GDF1: variants seen among roughly 807,000 people sequenced by gnomAD.
GDF1 encodes the protein embryonic growth/differentiation factor 1.
Under a neutral mutation model 7.4 loss-of-function variants are expected in GDF1, and 8 were observed. The ratio of observed to expected loss-of-function variants is 1.09; its 90% confidence interval spans 0.64 to 1.96. The LOEUF (loss-of-function observed/expected upper bound fraction) is 1.96. GDF1 is among the 30% of genes most tolerant of loss of function. The pLI is 0.00. For synonymous variants in GDF1, 311 were observed against 276.7 expected (o/e 1.12, Z -1.23); for missense variants, 574 against 551.5 (o/e 1.04, Z -0.41).
chr19:18,880,200 C>T lies in GDF1; in HGVS notation c.-571+74G>A, dbSNP rs2056168404. On this transcript the variant is annotated intron_variant, in intron 4 of 7. Transcript: ENST00000247005. Reference sequence around the variant, plus strand: ...GGCCCCGCCTCCTTCCCTGCCTGGTCCCGCCCCTTTTCTGGACACACCCAC... The same window carrying T: ...GGCCCCGCCTCCTTCCCTGCCTGGTTCCGCCCCTTTTCTGGACACACCCAC... 3 of 1,434,208 alleles carry T rather than the reference C, an allele frequency of 2.1e-6. No individual in the cohort carries two copies. In the Admixed American group the frequency reaches 6.8e-5, roughly 32 times the overall value. 88.8% of individuals were successfully genotyped at this position (1,434,208 alleles called of 1,614,324 possible). A position where few individuals can be genotyped will look rare whatever the true frequency, so the allele number is the denominator to read the frequency against.
rs1369157077 is a variant in GDF1 at position 18,868,595 on chromosome 19, G to C, written c.*2C>G. The C allele has an allele frequency of 1.2e-5, 19 of 1,554,540 alleles. No individual in the cohort carries two copies. Among genetic ancestry groups the C allele is most frequent in the Middle Eastern group, 3.4e-4 (2 of 5,892 alleles). ...TGGGCCCGCGTCCCTGCCCGCCCCG[G>C]GTTAGCGGCAGCCGCACTCGTCCAC... On this transcript the variant is annotated 3_prime_UTR_variant, in exon 8 of 8. Transcript: ENST00000247005.
intron 1 of GDF1, among the ~76,000 whole-genome samples, chr19:18,894,795 A>G (rs2056585557): frequency 6.6e-6 from 1 of 152,080 alleles, no homozygotes; most frequent in Admixed American, 6.5e-5. Context: ...ACAACATCCC[A>G]TCATCGACCT....
In GDF1 at chr19:18,878,640, CGCCACACCA is replaced by C; in HGVS notation, c.-313+281_-313+289del. 1 of 1,232,672 alleles carries C rather than the reference CGCCACACCA, an allele frequency of 8.1e-7. No homozygotes were observed. The highest frequency in any genetic ancestry group is 4.3e-5 in the East Asian group (1 of 23,160). The allele number at this position is 1,232,672 out of a possible 1,614,324, so 76.4% of individuals were successfully genotyped here. A position where few individuals can be genotyped will look rare whatever the true frequency, so the allele number is the denominator to read the frequency against. On this transcript the variant is annotated intron_variant, in intron 6 of 7. Transcript: ENST00000247005. This position sits in a 1 kb window ranked among gnomAD's most constrained non-coding sequence, Gnocchi z 4.6. ...CCACAGGGCCCTGGCTCGCCACTCC[CGCCACACCA>C]GCCACTAGGCCTGGCCCTCAGTGTC... is the stretch of plus-strand genomic sequence containing the variant.
In GDF1 at chr19:18,880,394, A is replaced by T; in HGVS notation, c.-691T>A. The T allele has an allele frequency of 6.3e-7, 1 of 1,587,694 alleles. No homozygotes were observed. The highest frequency in any genetic ancestry group is 8.6e-7 in the Non-Finnish European group (1 of 1,167,246). ...GGTGAACTCAAGCTGCACGTCACTG[A>T]TATCGTGCAGGAAGAGCACAAGGAT... On this transcript the variant is annotated 5_prime_UTR_variant, in exon 4 of 8. Coordinates refer to ENST00000247005, the MANE Select transcript of GDF1 (RefSeq NM_001492.6).
At position 18,869,409 on chromosome 19, in the gene GDF1, G is replaced by A; in HGVS notation, c.326-19C>T. On this transcript the variant is annotated intron_variant, in intron 7 of 7. Coordinates refer to ENST00000247005, the MANE Select transcript of GDF1 (RefSeq NM_001492.6). ...GGCGCACCTGGGGAGGTAGGAACAGGAACTCGGCTCGCGCTGCGTCCCCGG... is the reference window on the plus strand; with the variant it reads ...GGCGCACCTGGGGAGGTAGGAACAGAAACTCGGCTCGCGCTGCGTCCCCGG... 4 of 1,526,738 alleles carry A rather than the reference G, an allele frequency of 2.6e-6. No homozygotes were observed. The highest frequency in any genetic ancestry group is 1.4e-5 in the African/African-American group (1 of 72,380). The allele number at this position is 1,526,738 out of a possible 1,614,324, so 94.6% of individuals were successfully genotyped here. A position where few individuals can be genotyped will look rare whatever the true frequency, so the allele number is the denominator to read the frequency against.
intron 4 of GDF1, 130 bp downstream of exon 4, chr19:18,880,144 T>A: frequency 1.8e-4 from 113 of 614,118 alleles, no homozygotes; most frequent in Middle Eastern, 6.0e-4. Context: ...ATGAGGCCCC[T>A]CCCCTGTCAT....
chr19:18,878,003 G>A lies in GDF1; in HGVS notation c.-313+927C>T, dbSNP rs538195299. On this transcript the variant is annotated intron_variant, in intron 6 of 7. Coordinates refer to ENST00000247005, the MANE Select transcript of GDF1 (RefSeq NM_001492.6). This position sits in a 1 kb window ranked among gnomAD's most constrained non-coding sequence, Gnocchi z 4.6. ...TTCCAAACAGGGTGGGGGGTCTGAC[G>A]CTCCTCTGCCTGGCTACAGCCCCGG... 1.1e-4 allele frequency: 106 copies of A among 985,452 alleles called. No individual in the cohort carries two copies. The highest frequency in any genetic ancestry group is 1.2e-4 in the Admixed American group (2 of 16,268). The allele number at this position is 985,452 out of a possible 1,614,324, so 61.0% of individuals were successfully genotyped here.
At chr19:18,892,562 C>T (rs1334292454) in intron 2 of GDF1, among the ~76,000 whole-genome samples, 5 of 151,890 alleles carry the variant, frequency 3.3e-5, no homozygotes, top group Admixed American at 6.6e-5. Context: ...CACAGTGAGC[C>T]GAGATCGCGC....
chr19:18,888,951 G>T (rs1172095552), intron 2 of GDF1, among the ~76,000 whole-genome samples: 1 of 144,540 alleles, frequency 6.9e-6, no homozygotes, highest in Non-Finnish European at 1.5e-5. Flanking sequence ...GAGTGCAGTA[G>T]CATGATCTCG....
chr19:18,871,946 C>A (rs1441180668), intron 6 of GDF1, among the ~76,000 whole-genome samples: 1 of 152,206 alleles, frequency 6.6e-6, no homozygotes. Flanking sequence ...ATTTCTGCAT[C>A]GACACCTTTG....
At chr19:18,879,471 C>T in intron 4 of GDF1, 83 bp from the exon 5 acceptor site, 5 of 1,470,712 alleles carry the variant, frequency 3.4e-6, no homozygotes, top group Non-Finnish European at 4.6e-6. Flanking sequence ...CCTAGACCCA[C>T]CCTTGCCCCC....
At chr19:18,881,814 C>T (rs1365405645) in intron 3 of GDF1, 1 of 152,080 alleles carries the variant, frequency 6.6e-6, no homozygotes, top group African/African-American at 2.4e-5. Flanking sequence ...TAACACCTAA[C>T]ACCTGCAGCC....
rs1035327337 is a variant in GDF1, at chr19:18,869,223, G to A, written c.493C>T (p.Leu165=). Reference sequence around the variant, plus strand: ...CCCTGGCCCGCTTGCGCCACGCTCAGCTCCCAGCCGCCCTCCGGGGCTGCC... The same window carrying A: ...CCCTGGCCCGCTTGCGCCACGCTCAACTCCCAGCCGCCCTCCGGGGCTGCC... ...AAAAPEGGWE[L]SVAQAGQGAG... The change falls in exon 8 of 8, where the codon CTG becomes TTG. Residue 165 remains leucine (L), a synonymous_variant. Coordinates refer to ENST00000247005, the MANE Select transcript of GDF1 (RefSeq NM_001492.6). 4.8e-5 allele frequency: 66 copies of A among 1,373,062 alleles called. No homozygotes were observed. The highest frequency in any genetic ancestry group is 5.8e-5 in the Non-Finnish European group (62 of 1,073,752). 85.1% of individuals were successfully genotyped at this position (1,373,062 alleles called of 1,614,324 possible). A position where few individuals can be genotyped will look rare whatever the true frequency, so the allele number is the denominator to read the frequency against.
chr19:18,884,373 G>C, intron 2 of GDF1, 106 bp from the exon 3 acceptor site: 2 of 1,052,898 alleles, frequency 1.9e-6, no homozygotes, highest in Non-Finnish European at 2.7e-6. Flanking sequence ...CCAGTACCCA[G>C]GTAACCATGC....
intron 2 of GDF1, among the ~76,000 whole-genome samples, 152 bp downstream of exon 2, chr19:18,893,264 G>C (rs1165547722): frequency 1.3e-5 from 2 of 152,162 alleles, no homozygotes; most frequent in Admixed American, 6.5e-5. Context: ...GTCCAGGCTG[G>C]AGTGCAGTGG....
chr19:18,873,838 C>G (rs1207000201), intron 6 of GDF1, among the ~76,000 whole-genome samples: 1 of 143,412 alleles, frequency 7.0e-6, no homozygotes. Flanking sequence ...GAGACTCTGT[C>G]TCGAAAAAAA....
intron 6 of GDF1, among the ~76,000 whole-genome samples, chr19:18,871,770 C>T (rs2055975059): frequency 6.6e-6 from 1 of 152,214 alleles, no homozygotes; most frequent in South Asian, 2.1e-4. Flanking sequence ...GGAGATAAGC[C>T]TTGCTTGGAC....
In GDF1 at chr19:18,893,689, C is replaced by T. The variant is rs546520976; in HGVS notation, c.-1073-114G>A. On this transcript the variant is annotated intron_variant, in intron 1 of 7. Coordinates refer to ENST00000247005, the MANE Select transcript of GDF1 (RefSeq NM_001492.6). ...CCCAGGCCGGGCAGCACTGGGAAGG[C>T]CTGTCCCCCATGCCCACAGCCACCT... 64 of 1,101,990 alleles carry T rather than the reference C, an allele frequency of 5.8e-5. 1 individual carries two copies. The South Asian group carries it at 9.5e-4, about 16-fold the overall frequency. 68.3% of individuals were successfully genotyped at this position (1,101,990 alleles called of 1,614,324 possible).
intron 2 of GDF1, among the ~76,000 whole-genome samples, chr19:18,888,540 A>AC (rs1194053342): frequency 6.7e-6 from 1 of 149,948 alleles, no homozygotes; most frequent in African/African-American, 2.4e-5. Flanking sequence ...AAAAAAAAAA[A>AC]AAAAAACAGG....
Sources: gnomAD v4.1 joint callset for allele counts (sites outside exome capture counted in the v4.1 genomes callset) on GRCh38, gnomAD v4.1.1 for gene constraint, Gnocchi (gnomAD v3.1) non-coding constraint, MANE v1.5 for transcripts, NCBI Gene and HGNC (gene_info 2026-07-23, HGNC 2026-07-21) for gene names.